The following RALY variants were observed in gnomAD, a reference collection of about 807,000 sequenced individuals.
RALY encodes RNA-binding protein Raly.
In RALY, 15 loss-of-function variants were observed where a neutral mutation model predicts 30.7. That is an observed-to-expected ratio of 0.49 (90% CI 0.33 to 0.75). RALY has a LOEUF of 0.75. Among genes scored for constraint, RALY ranks in the 30% least tolerant of loss-of-function variants. The pLI is 0.02. For missense variants in RALY, 339 were observed against 414.3 expected, an observed-to-expected ratio of 0.82 and a Z score of 1.58; for synonymous variants, 177 against 170.8, an observed-to-expected ratio of 1.04 and a Z score of -0.28.
chr20:34,053,012 A>G (rs1458183144), intron 2 of RALY, among the ~76,000 whole-genome samples: 1 of 152,010 alleles, frequency 6.6e-6, no homozygotes, highest in African/African-American at 2.4e-5. Flanking sequence ...TAAGCCCTCT[A>G]GTTAAGATCA....
chr20:34,072,013 A>G (rs2033741276), intron 2 of RALY, 53 bp from the exon 3 acceptor site: 5 of 1,578,516 alleles, frequency 3.2e-6, no homozygotes, highest in Non-Finnish European at 4.3e-6. Context: ...GGCCGTGGGC[A>G]GTCCTTGAGC....
chr20:34,082,487 G>C lies in RALY; in HGVS notation c.*2582G>C, dbSNP rs2034045290. 1 of 152,304 alleles carries C rather than the reference G, an allele frequency of 6.6e-6. No individual in the cohort carries two copies. The highest frequency in any genetic ancestry group is 2.1e-4 in the South Asian group (1 of 4,832). The allele number at this position is 152,304 out of a possible 1,614,324, so 9.4% of individuals were successfully genotyped here. On this transcript the variant is annotated 3_prime_UTR_variant, in exon 10 of 10. Coordinates refer to ENST00000246194, the MANE Select transcript of RALY (RefSeq NM_016732.3). ...TGAGGGTCAGGTTGATCATGGGCTT[G>C]TGACCATAGGCTTCCTTAGTATGCC...
chr20:34,043,230 G>A (rs2032763658), intron 2 of RALY, among the ~76,000 whole-genome samples: 1 of 152,140 alleles, frequency 6.6e-6, no homozygotes, highest in African/African-American at 2.4e-5. Context: ...CTTCCTTGTG[G>A]TCTCACCCTC....
intron 1 of RALY, among the ~76,000 whole-genome samples, chr20:33,996,364 C>T (rs1375088102): frequency 1.3e-5 from 2 of 152,106 alleles, no homozygotes; most frequent in Non-Finnish European, 2.9e-5. Flanking sequence ...TATGAAAGTG[C>T]TTTATAGTGG....
At chr20:34,057,458 G>T (rs1031565316) in intron 2 of RALY, among the ~76,000 whole-genome samples, 15 of 152,174 alleles carry the variant, frequency 9.9e-5, no homozygotes, top group Non-Finnish European at 1.9e-4. Context: ...ACGAGGTCAG[G>T]AGATCGAGAC....
At chr20:34,063,139 A>G (rs1171595934) in intron 2 of RALY, among the ~76,000 whole-genome samples, 1 of 152,218 alleles carries the variant, frequency 6.6e-6, no homozygotes, top group African/African-American at 2.4e-5. Context: ...GTTTCATCGT[A>G]TGTGAAATGG....
chr20:34,036,819 T>C (rs1212235125), intron 2 of RALY, among the ~76,000 whole-genome samples: 1 of 152,214 alleles, frequency 6.6e-6, no homozygotes, highest in African/African-American at 2.4e-5. Context: ...GTTGGTAATT[T>C]GTGTCTTTTT....
chr20:34,021,431 C>T (rs115104644), intron 1 of RALY, among the ~76,000 whole-genome samples: 1,628 of 152,284 alleles, frequency 0.011, 34 homozygotes, highest in African/African-American at 0.038. Flanking sequence ...AAAAACCTGG[C>T]AGAAGGCATC....
chr20:34,053,383 A>ATTTTTTTTTTTTTTTTTTTT lies in RALY; in HGVS notation c.-9-18670_-9-18651dup, dbSNP rs60912814. On this transcript the variant is annotated intron_variant, in intron 2 of 9. Coordinates refer to ENST00000246194, the MANE Select transcript of RALY (RefSeq NM_016732.3). ...GCCAACATTTAGTAGATGTTCAATA[A>ATTTTTTTTTTTTTTTTTTTT]TTTTTTTTTTTTTTTTTTTTTTTTT... Among the ~76,000 whole-genome samples, 11 of 54,140 alleles carry ATTTTTTTTTTTTTTTTTTTT rather than the reference A, an allele frequency of 2.0e-4. 2 individuals are homozygous for ATTTTTTTTTTTTTTTTTTTT. The highest frequency in any genetic ancestry group is 2.4e-4 in the African/African-American group (3 of 12,742). 35.5% of individuals were successfully genotyped at this position (54,140 alleles called of 152,430 possible). A position where few individuals can be genotyped will look rare whatever the true frequency, so the allele number is the denominator to read the frequency against.
At chr20:34,028,222 G>T (rs2032118945) in intron 1 of RALY, among the ~76,000 whole-genome samples, 1 of 151,564 alleles carries the variant, frequency 6.6e-6, no homozygotes, top group African/African-American at 2.4e-5. Context: ...GGAGGCGGAG[G>T]TTGCAGTGAG....
intron 1 of RALY, among the ~76,000 whole-genome samples, chr20:33,994,542 G>A (rs2030500806): frequency 6.6e-6 from 1 of 152,230 alleles, no homozygotes; most frequent in Non-Finnish European, 1.5e-5. Context: ...CCCGGCCGCG[G>A]CTGCTTCCGG....
At chr20:34,030,461 C>G (rs11698730) in intron 1 of RALY, among the ~76,000 whole-genome samples, 1 of 152,218 alleles carries the variant, frequency 6.6e-6, no homozygotes, top group African/African-American at 2.4e-5. Context: ...AGGGATTTCT[C>G]TTCTTCACCA....
intron 2 of RALY, among the ~76,000 whole-genome samples, chr20:34,040,350 T>C (rs559241550): frequency 1.3e-5 from 2 of 152,190 alleles, no homozygotes; most frequent in East Asian, 3.9e-4. Context: ...TTTTTTAACA[T>C]CTCCGCCAAC....
At chr20:34,003,760 C>G (rs2031033518) in intron 1 of RALY, among the ~76,000 whole-genome samples, 1 of 150,810 alleles carries the variant, frequency 6.6e-6, no homozygotes, top group African/African-American at 2.4e-5. Flanking sequence ...CTGCCTCAGC[C>G]TCCCAAGTAG....
intron 1 of RALY, among the ~76,000 whole-genome samples, chr20:34,009,853 T>G (rs2031323612): frequency 6.6e-6 from 1 of 152,152 alleles, no homozygotes; most frequent in Non-Finnish European, 1.5e-5. Flanking sequence ...GTATAGCACT[T>G]TTTTTGGGAA....
At position 34,025,547 on chromosome 20, in the gene RALY, G is replaced by A. The variant is rs755085190; in HGVS notation, c.-92-5975G>A. Among the ~76,000 whole-genome samples the A allele has an allele frequency of 3.9e-4, 60 of 151,932 alleles. 1 individual carries two copies. The highest frequency in any genetic ancestry group is 2.2e-3 in the Admixed American group (33 of 15,264). On this transcript the variant is annotated intron_variant, in intron 1 of 9. Coordinates refer to ENST00000246194, the MANE Select transcript of RALY (RefSeq NM_016732.3). ...TCGAACTCCTGACCTCAGGTGATCCGCCCACCTCAGCTTCCCAAAGTGCTG... is the reference window on the plus strand; with the variant it reads ...TCGAACTCCTGACCTCAGGTGATCCACCCACCTCAGCTTCCCAAAGTGCTG...
rs574744346 is a variant in RALY at position 34,048,404 on chromosome 20, C to T, written c.-10+16800C>T. 1.1e-4 allele frequency among the ~76,000 whole-genome samples: 16 copies of T among 152,238 alleles called. No homozygotes were observed. In the East Asian group the frequency reaches 3.1e-3, roughly 29 times the overall value. On this transcript the variant is annotated intron_variant, in intron 2 of 9. Coordinates refer to ENST00000246194, the MANE Select transcript of RALY (RefSeq NM_016732.3). ...TAGGACTTCACATGAGTCTAAGTCTCATATGCTTTTAACAATGGAGGGACC... is the reference window on the plus strand; with the variant it reads ...TAGGACTTCACATGAGTCTAAGTCTTATATGCTTTTAACAATGGAGGGACC...
intron 1 of RALY, among the ~76,000 whole-genome samples, chr20:34,025,142 G>C (rs2031970744): frequency 6.6e-6 from 1 of 152,140 alleles, no homozygotes; most frequent in Non-Finnish European, 1.5e-5. Context: ...CTGCCTTCAG[G>C]GGAGCCCTGC....
Position 34,081,008 on chromosome 20 carries a change from C to CT in RALY, c.*1104dup, listed in dbSNP as rs2034021487. ...GGCCACCCGTCTAGACATTTGTTCT[C>CT]TAACAATCAGCCGGGTTCCTTCAAA... On this transcript the variant is annotated 3_prime_UTR_variant, in exon 10 of 10. Transcript: ENST00000246194. The CT allele has an allele frequency of 6.6e-6, 1 of 152,336 alleles. No homozygotes were observed. Among genetic ancestry groups the CT allele is most frequent in the South Asian group, 2.1e-4 (1 of 4,824 alleles). The allele number at this position is 152,336 out of a possible 1,614,324, so 9.4% of individuals were successfully genotyped here.
Sources: gnomAD v4.1 joint callset for allele counts (sites outside exome capture counted in the v4.1 genomes callset) on GRCh38, gnomAD v4.1.1 for gene constraint, MANE v1.5 for transcripts, NCBI Gene and HGNC (gene_info 2026-07-23, HGNC 2026-07-21) for gene names.